Variants in KATNA1 observed in about 807,000 individuals in gnomAD.
KATNA1 encodes the protein katanin p60 ATPase-containing subunit A1.
Under a neutral mutation model 62.6 loss-of-function variants are expected in KATNA1, and 42 were observed. That is an observed-to-expected ratio of 0.67 (90% CI 0.52 to 0.87). KATNA1 has a LOEUF of 0.87. Ranked by LOEUF, KATNA1 falls within the 40% of genes least tolerant of loss-of-function variation. The pLI is 0.00. For missense variants in KATNA1, 498 were observed against 612.5 expected (o/e 0.81, Z 1.97); for synonymous variants, 186 against 201.9 (o/e 0.92, Z 0.67).
chr6:149,636,161 A>G (rs983217665), intron 2 of KATNA1, among the ~76,000 whole-genome samples: 1 of 152,124 alleles, frequency 6.6e-6, no homozygotes, highest in African/African-American at 2.4e-5. Context: ...TATAACTTAA[A>G]TGATTTAATC....
chr6:149,627,166 G>T (rs1779644839), intron 3 of KATNA1, among the ~76,000 whole-genome samples: 2 of 151,342 alleles, frequency 1.3e-5, no homozygotes, highest in African/African-American at 4.9e-5. Context: ...GCTGAGGCAG[G>T]TGGATCATTT....
At chr6:149,624,719 C>T (rs1438551909) in intron 3 of KATNA1, among the ~76,000 whole-genome samples, 1 of 151,918 alleles carries the variant, frequency 6.6e-6, no homozygotes, top group Non-Finnish European at 1.5e-5. Context: ...TCAGACTTCT[C>T]AAATATCTGT....
intron 1 of KATNA1, among the ~76,000 whole-genome samples, chr6:149,640,537 G>C (rs942170745): frequency 7.3e-5 from 11 of 151,642 alleles, no homozygotes; most frequent in African/African-American, 2.7e-4. Flanking sequence ...GGTTTTTTTG[G>C]GTTTTTTTGG....
At chr6:149,623,326 TATGG>T in intron 3 of KATNA1, 43 bp from the exon 4 acceptor site, 1 of 1,427,086 alleles carries the variant, frequency 7.0e-7, no homozygotes, top group Non-Finnish European at 9.5e-7. Flanking sequence ...CAACTCCACA[TATGG>T]ATGAACACAC....
At chr6:149,627,601 T>C (rs1419350767) in intron 3 of KATNA1, among the ~76,000 whole-genome samples, 1 of 150,628 alleles carries the variant, frequency 6.6e-6, no homozygotes, top group Non-Finnish European at 1.5e-5. Flanking sequence ...TAGAATTGCC[T>C]GGACCCAGGA....
intron 8 of KATNA1, 136 bp downstream of exon 8, chr6:149,598,088 C>G (rs1778396594): frequency 2.1e-6 from 2 of 930,262 alleles, no homozygotes. Context: ...TTGCCACCCC[C>G]TCTAGTCCAT....
At chr6:149,634,901 C>T (rs182298184) in intron 2 of KATNA1, among the ~76,000 whole-genome samples, 112 of 150,562 alleles carry the variant, frequency 7.4e-4, no homozygotes, top group African/African-American at 2.2e-3. Context: ...TAAAATAGGT[C>T]TCAATTCATA....
In KATNA1 at chr6:149,636,904, A is replaced by C. The variant is rs1780084917; in HGVS notation, c.162+1482T>G. 2.6e-5 allele frequency among the ~76,000 whole-genome samples: 4 copies of C among 151,906 alleles called. No homozygotes were observed. In the South Asian group the frequency reaches 8.3e-4, roughly 32 times the overall value. On this transcript the variant is annotated intron_variant, in intron 2 of 10. Coordinates refer to ENST00000367411, the MANE Select transcript of KATNA1 (RefSeq NM_007044.4). ...TGATCTGCCCACCTCAGCCTCCCAA[A>C]GTGCTGGGATTACAGGCGTGAGCCA...
chr6:149,612,906 T>C (rs1327117853), intron 4 of KATNA1, among the ~76,000 whole-genome samples: 1 of 152,124 alleles, frequency 6.6e-6, no homozygotes, highest in Admixed American at 6.6e-5. Flanking sequence ...ACTGAATACC[T>C]ATCCAGGACA....
intron 1 of KATNA1, among the ~76,000 whole-genome samples, chr6:149,640,650 C>T (rs894308105): frequency 1.3e-5 from 2 of 151,594 alleles, no homozygotes; most frequent in Non-Finnish European, 2.9e-5. Context: ...CAGGTTCAAG[C>T]GATTCCCCTG....
At chr6:149,627,930 T>TG (rs1171425504) in intron 3 of KATNA1, among the ~76,000 whole-genome samples, 1 of 151,794 alleles carries the variant, frequency 6.6e-6, no homozygotes, top group Non-Finnish European at 1.5e-5. Flanking sequence ...CCAGAGGCTG[T>TG]GGGGAACCAG....
intron 4 of KATNA1, among the ~76,000 whole-genome samples, chr6:149,617,357 T>C (rs978736783): frequency 6.6e-6 from 1 of 152,198 alleles, no homozygotes; most frequent in African/African-American, 2.4e-5. Context: ...TTTTAAAAAA[T>C]AAATAATTTT....
intron 8 of KATNA1, 90 bp downstream of exon 8, chr6:149,598,134 G>T: frequency 1.4e-6 from 2 of 1,429,748 alleles, no homozygotes; most frequent in Non-Finnish European, 1.9e-6. Flanking sequence ...GCTTGGGTTA[G>T]CACTATGAGT....
chr6:149,601,447 A>T, intron 7 of KATNA1, 147 bp downstream of exon 7: 1 of 502,972 alleles, frequency 2.0e-6, no homozygotes, highest in Non-Finnish European at 3.4e-6. Context: ...TCATGTTTGT[A>T]AAGAAATCTA....
chr6:149,620,360 G>A (rs1200764440), intron 4 of KATNA1, among the ~76,000 whole-genome samples: 9 of 151,952 alleles, frequency 5.9e-5, no homozygotes, highest in Non-Finnish European at 7.4e-5. Flanking sequence ...GTGCAGTGGC[G>A]CGATCTTGGC....
intron 4 of KATNA1, among the ~76,000 whole-genome samples, chr6:149,606,170 T>G (rs1778733081): frequency 1.3e-5 from 2 of 152,194 alleles, no homozygotes; most frequent in African/African-American, 2.4e-5. Context: ...CCGTTCTGAC[T>G]GCAGGGTTTG....
chr6:149,595,029 T>A lies in KATNA1; in HGVS notation c.*7A>T. 6.2e-7 allele frequency: 1 copy of A among 1,609,306 alleles called. No homozygotes were observed. On this transcript the variant is annotated 3_prime_UTR_variant, in exon 11 of 11. Transcript: ENST00000367411. ...AGGCACATTTCTCACAGTTTACATGTGAGAATTTAGCATGATCCAAACTCA... is the reference window on the plus strand; with the variant it reads ...AGGCACATTTCTCACAGTTTACATGAGAGAATTTAGCATGATCCAAACTCA...
chr6:149,597,237 A>T (rs1163047011), intron 9 of KATNA1, 48 bp from the exon 10 acceptor site: 1 of 1,583,226 alleles, frequency 6.3e-7, no homozygotes, highest in Non-Finnish European at 8.6e-7. Context: ...GCATAAACAT[A>T]GTATACTATT....
rs1486934062 is a variant in KATNA1 at position 149,608,056 on chromosome 6, A to C, written c.502-3274T>G. Among the ~76,000 whole-genome samples, 8 of 152,288 alleles carry C rather than the reference A, an allele frequency of 5.3e-5. No individual in the cohort carries two copies. In the East Asian group the frequency reaches 9.6e-4, roughly 18 times the overall value. The stretch of plus-strand genomic sequence containing the variant: ...ACTCCAGCCTGGGCGACAGAGTGAG[A>C]CTCCGTCTCAAAAAAACAAAAACAA... On this transcript the variant is annotated intron_variant, in intron 4 of 10. Transcript: ENST00000367411.
Sources: gnomAD v4.1 joint callset for allele counts (sites outside exome capture counted in the v4.1 genomes callset) on GRCh38, gnomAD v4.1.1 for gene constraint, MANE v1.5 for transcripts, NCBI Gene and HGNC (gene_info 2026-07-23, HGNC 2026-07-21) for gene names.